OLR1: variants seen among roughly 807,000 people sequenced by gnomAD.
OLR1 encodes the protein oxidized low density lipoprotein receptor 1.
Under a neutral mutation model 31.7 loss-of-function variants are expected in OLR1, and 23 were observed. That is an observed-to-expected ratio of 0.72 (90% CI 0.52 to 1.03). The LOEUF (loss-of-function observed/expected upper bound fraction) is 1.03. Ranked by LOEUF, OLR1 falls within the 50% of genes least tolerant of loss-of-function variation. The pLI is 0.00. For missense variants in OLR1, 286 were observed against 315.7 expected, an observed-to-expected ratio of 0.91 and a Z score of 0.71; for synonymous variants, 117 against 115.8, an observed-to-expected ratio of 1.01 and a Z score of -0.07.
chr12:10,166,565 T>A, intron 3 of OLR1, 147 bp downstream of exon 3: 1 of 806,218 alleles, frequency 1.2e-6, no homozygotes, highest in Non-Finnish European at 2.0e-6. Context: ...GAAAAAGAAA[T>A]TGAGAACTTC....
At chr12:10,174,389 G>T (rs57056622), upstream of OLR1, among the ~76,000 whole-genome samples, 1 of 152,062 alleles carries the variant, frequency 6.6e-6, no homozygotes, top group South Asian at 2.1e-4. Flanking sequence ...TGGGTCATGG[G>T]GTTCCCAGAC....
Position 10,160,831 on chromosome 12 carries a change from C to G in OLR1, c.519G>C (p.Leu173Phe), listed in dbSNP as rs1050444516. 3.1e-6 allele frequency: 5 copies of G among 1,614,050 alleles called. No homozygotes were observed. Among genetic ancestry groups the G allele is most frequent in the Non-Finnish European group, 4.2e-6 (5 of 1,180,022 alleles). ...TTTTCAGCAACTTGGCATCCAAAGA[C>G]AAGCACTTCTCTTGGCTCTTTTCCC... Reference protein sequence around the residue: ...FNWEKSQEKCLSLDAKLLKIN... With the variant: ...FNWEKSQEKCFSLDAKLLKIN... The change falls in exon 4 of 6, where the codon TTG becomes TTC. Residue 173 changes from leucine to phenylalanine, a missense_variant. Transcript: ENST00000309539.
At chr12:10,170,112 C>A (rs140215049) in intron 1 of OLR1, among the ~76,000 whole-genome samples, 16 of 152,258 alleles carry the variant, frequency 1.1e-4, no homozygotes, top group African/African-American at 3.6e-4. Flanking sequence ...AAAAATAAGT[C>A]TTTAGTCTAA....
upstream of OLR1, among the ~76,000 whole-genome samples, chr12:10,174,047 GT>G: frequency 8.2e-6 from 1 of 121,764 alleles, no homozygotes; most frequent in African/African-American, 3.9e-5. Context: ...AATTTCATGT[GT>G]TTTGTTTGTT....
chr12:10,169,755 C>T (rs1214615167), intron 1 of OLR1, among the ~76,000 whole-genome samples: 1 of 152,002 alleles, frequency 6.6e-6, no homozygotes, highest in South Asian at 2.1e-4. Flanking sequence ...GGTTATTAAT[C>T]AAAGAAAAGT....
chr12:10,163,672 C>T (rs994181734), intron 3 of OLR1, among the ~76,000 whole-genome samples: 9 of 151,812 alleles, frequency 5.9e-5, no homozygotes, highest in African/African-American at 2.2e-4. Context: ...GTGGCTCACA[C>T]CTGTAATCCT....
chr12:10,166,328 G>A (rs1591981931), intron 3 of OLR1, among the ~76,000 whole-genome samples: 2 of 152,126 alleles, frequency 1.3e-5, no homozygotes, highest in East Asian at 1.9e-4. Context: ...AGGAGTTCGC[G>A]ACCAGCCTAG....
chr12:10,172,013 T>C lies in OLR1; in HGVS notation c.65A>G (p.Lys22Arg). 6.2e-7 allele frequency: 1 copy of C among 1,613,462 alleles called. No homozygotes were observed. Among genetic ancestry groups the C allele is most frequent in the Non-Finnish European group, 8.5e-7 (1 of 1,179,396 alleles). ...CCCATCCCTAGTACCTTTAGCTTTT[T>C]TTCCATTTGACTTCTCATCAGGCTG... ...KDQPDEKSNG[K>R]KAKGLQFLYS... Residue 22 changes from lysine (K) to arginine (R), a missense_variant, in exon 1 of 6, where the codon AAA (lysine) becomes AGA (arginine). Coordinates refer to ENST00000309539, the MANE Select transcript of OLR1 (RefSeq NM_002543.4).
At chr12:10,167,052 T>C in intron 2 of OLR1, 95 bp from the exon 3 acceptor site, 3 of 1,236,010 alleles carry the variant, frequency 2.4e-6, no homozygotes, top group Non-Finnish European at 3.4e-6. Context: ...AAATCTATTT[T>C]GACAATAGAT....
chr12:10,169,923 T>TAAAA (rs34715844), intron 1 of OLR1, among the ~76,000 whole-genome samples: 1 of 148,172 alleles, frequency 6.7e-6, no homozygotes, highest in Non-Finnish European at 1.5e-5. Flanking sequence ...GTTCCACCAC[T>TAAAA]AAAAAAAAAA....
At chr12:10,166,322 G>A (rs11832836) in intron 3 of OLR1, among the ~76,000 whole-genome samples, 6 of 152,128 alleles carry the variant, frequency 3.9e-5, no homozygotes, top group Non-Finnish European at 7.3e-5. Flanking sequence ...GAGGTCAGGA[G>A]TTCGCGACCA....
chr12:10,164,277 G>T (rs1469035563), intron 3 of OLR1, among the ~76,000 whole-genome samples: 7 of 152,142 alleles, frequency 4.6e-5, no homozygotes, highest in Non-Finnish European at 2.9e-5. Flanking sequence ...CTTGAAGGTG[G>T]TATATTCATT....
At chr12:10,174,467 GT>G (rs1948751681), upstream of OLR1, among the ~76,000 whole-genome samples, 1 of 152,104 alleles carries the variant, frequency 6.6e-6, no homozygotes, top group African/African-American at 2.4e-5. Flanking sequence ...CATAATGTAG[GT>G]GGGCCTCATC....
At chr12:10,172,707 T>C (rs1443406507), upstream of OLR1, among the ~76,000 whole-genome samples, 6 of 152,214 alleles carry the variant, frequency 3.9e-5, no homozygotes, top group African/African-American at 1.4e-4. Context: ...AGAGAGCACT[T>C]TGAATGCAGA....
chr12:10,167,046 C>A, intron 2 of OLR1, 89 bp from the exon 3 acceptor site: 1 of 1,312,500 alleles, frequency 7.6e-7, no homozygotes. Flanking sequence ...AGAATTAAAT[C>A]TATTTTGACA....
rs772513636 is a variant in OLR1 at position 10,169,092 on chromosome 12, T to A, written c.160A>T (p.Met54Leu). 1.9e-6 allele frequency: 3 copies of A among 1,612,494 alleles called. No individual in the cohort carries two copies. Among genetic ancestry groups the A allele is most frequent in the Admixed American group, 1.7e-5 (1 of 59,606 alleles). ...CACTTACATTGCATGCCCAGCACCA[T>A]AATGGTCACTACTAATCCCAGGCAA... ...VLCLGLVVTIMVLGMQLSQVS... is the reference protein window; with the variant it reads ...VLCLGLVVTILVLGMQLSQVS... The change falls in exon 2 of 6, where the codon ATG (methionine) becomes TTG (leucine). Residue 54 changes from methionine (M) to leucine (L), a missense_variant. Met to Leu is a conservative substitution (Grantham distance 15, BLOSUM62 2). Coordinates refer to ENST00000309539, the MANE Select transcript of OLR1 (RefSeq NM_002543.4).
Position 10,166,299 on chromosome 12 carries a change from G to C in OLR1, c.424+413C>G, listed in dbSNP as rs192888242. ...TCCTAGCACTTTGGGAGGCCAAGAT[G>C]GGTGGATCACCTGAGGTCAGGAGTT... On this transcript the variant is annotated intron_variant, in intron 3 of 5. Coordinates refer to ENST00000309539, the MANE Select transcript of OLR1 (RefSeq NM_002543.4). 5.2e-3 allele frequency among the ~76,000 whole-genome samples: 797 copies of C among 152,166 alleles called. 29 individuals are homozygous for C. Among genetic ancestry groups the C allele is most frequent in the Admixed American group, 0.05 (766 of 15,282 alleles).
At chr12:10,160,599 C>T in intron 4 of OLR1, 137 bp from the exon 5 acceptor site, 2 of 980,782 alleles carry the variant, frequency 2.0e-6, no homozygotes, top group Non-Finnish European at 1.6e-6. Flanking sequence ...TACGGAAACA[C>T]TTACTGAAGG....
At chr12:10,161,948 A>AG (rs1948624554) in intron 3 of OLR1, among the ~76,000 whole-genome samples, 1 of 128,718 alleles carries the variant, frequency 7.8e-6, no homozygotes, top group Non-Finnish European at 1.7e-5. Context: ...TATATATAAA[A>AG]AACACATACT....
Sources: allele counts gnomAD v4.1 joint callset (sites outside exome capture counted in the v4.1 genomes callset), GRCh38; gene constraint gnomAD v4.1.1; transcripts MANE v1.5; gene names NCBI Gene and HGNC (gene_info 2026-07-23, HGNC 2026-07-21).